The following GSN variants were observed in gnomAD, a reference collection of about 807,000 sequenced individuals.
The protein encoded by GSN is gelsolin.
A neutral mutation model predicts 85.7 loss-of-function variants in GSN; 56 were observed. The observed-to-expected ratio is 0.65, with a 90% confidence interval of 0.53 to 0.82. GSN has a LOEUF of 0.82. Ranked by LOEUF, GSN falls within the 40% of genes least tolerant of loss-of-function variation. GSN has a pLI of 0.00. For missense variants in GSN, 857 were observed against 979.8 expected, an observed-to-expected ratio of 0.87 and a Z score of 1.67; for synonymous variants, 373 against 399.1, an observed-to-expected ratio of 0.93 and a Z score of 0.78.
At chr9:121,216,491 G>C (rs139106072) in intron 4 of GSN, among the ~76,000 whole-genome samples, 2 of 152,284 alleles carry the variant, frequency 1.3e-5, no homozygotes, top group Non-Finnish European at 2.9e-5. Context: ...CCAAGACTTT[G>C]CTTGCTATAT....
At chr9:121,277,920 AC>A (rs1229931480) in intron 1 of GSN, among the ~76,000 whole-genome samples, 1 of 93,318 alleles carries the variant, frequency 1.1e-5, no homozygotes, top group Non-Finnish European at 2.3e-5. Context: ...AACAACAATA[AC>A]AAACAAACAA....
intron 2 of GSN, among the ~76,000 whole-genome samples, chr9:121,296,519 C>T (rs2059235172): frequency 6.6e-6 from 1 of 152,136 alleles, no homozygotes; most frequent in African/African-American, 2.4e-5. Flanking sequence ...TCTGGTACTG[C>T]TTGGGCTAGG....
At chr9:121,225,976 T>C (rs2054265824) in intron 4 of GSN, among the ~76,000 whole-genome samples, 2 of 152,210 alleles carry the variant, frequency 1.3e-5, no homozygotes, top group African/African-American at 4.8e-5. Context: ...GGCTAAGTTT[T>C]GTATTTTTAG....
intron 4 of GSN, among the ~76,000 whole-genome samples, chr9:121,213,196 CAATA>C (rs1433856581): frequency 7.2e-5 from 11 of 152,174 alleles, no homozygotes; most frequent in Admixed American, 3.9e-4. Context: ...TTAGTCTCAT[CAATA>C]AATAAACCCA....
chr9:121,299,910 G>T lies in GSN; in HGVS notation c.-9-2053G>T. 1 of 1,265,778 alleles carries T rather than the reference G, an allele frequency of 7.9e-7. No homozygotes were observed. The highest frequency in any genetic ancestry group is 2.6e-4 in the Middle Eastern group (1 of 3,858). The allele number at this position is 1,265,778 out of a possible 1,614,324, so 78.4% of individuals were successfully genotyped here. A position where few individuals can be genotyped will look rare whatever the true frequency, so the allele number is the denominator to read the frequency against. On this transcript the variant is annotated intron_variant, in intron 2 of 17. Coordinates refer to ENST00000432226, the MANE Select transcript of GSN (RefSeq NM_198252.3). This position sits in a 1 kb window ranked among gnomAD's most constrained non-coding sequence, Gnocchi z 4.2. ...CGCGCTGCTTTGCGCGCTGTCCCTG[G>T]CGCTGTGCGCGCTGTCGCTGCCCGT...
intron 4 of GSN, among the ~76,000 whole-genome samples, chr9:121,305,716 AT>A (rs2060337609): frequency 1.3e-5 from 2 of 152,192 alleles, no homozygotes; most frequent in Non-Finnish European, 1.5e-5. Context: ...CTGGGCCCAG[AT>A]TTGGGGCTTC....
chr9:121,245,310 C>T (rs1223747840), intron 5 of GSN, among the ~76,000 whole-genome samples: 1 of 152,168 alleles, frequency 6.6e-6, no homozygotes, highest in African/African-American at 2.4e-5. Flanking sequence ...CTATAGTCCT[C>T]CACTTCAATT....
chr9:121,329,302 A>T lies in GSN; in HGVS notation c.1952A>T (p.Asp651Val), dbSNP rs1341619905. 6.2e-7 allele frequency: 1 copy of T among 1,600,648 alleles called. No individual in the cohort carries two copies. Among genetic ancestry groups the T allele is most frequent in the Non-Finnish European group, 8.6e-7 (1 of 1,167,734 alleles). ...GCAACGGATGACGTCATGCTTCTGG[A>T]CACCTGGGACCAGGTGGGTGAAGGA... ...DLATDDVMLL[D>V]TWDQVFVWVG... is the part of the protein sequence containing the mutation. Residue 651 changes from aspartate (D) to valine (V), a missense_variant, in exon 16 of 18, where the codon GAC becomes GTC. Coordinates refer to ENST00000432226, the MANE Select transcript of GSN (RefSeq NM_198252.3). This position sits in a 1 kb window ranked among gnomAD's most constrained non-coding sequence, Gnocchi z 4.6.
At chr9:121,219,214 C>G (rs546371859) in intron 4 of GSN, among the ~76,000 whole-genome samples, 52 of 152,006 alleles carry the variant, frequency 3.4e-4, no homozygotes, top group African/African-American at 1.2e-3. Context: ...TCTCCTGACT[C>G]AGTTCCCCAA....
At chr9:121,311,143 A>G (rs2061086205) in intron 5 of GSN, 2 of 434,912 alleles carry the variant, frequency 4.6e-6, no homozygotes, top group African/African-American at 2.0e-5. Context: ...ATGGGCAAAC[A>G]CTCTGGGCTT....
At chr9:121,263,909 A>C (rs1451553008), upstream of GSN, among the ~76,000 whole-genome samples, 4 of 150,104 alleles carry the variant, frequency 2.7e-5, no homozygotes, top group African/African-American at 9.8e-5. Context: ...AAAAAAAAAA[A>C]TCAGGTCTCA....
Position 121,310,700 on chromosome 9 carries a change from C to T in GSN, c.368C>T (p.Ser123Leu). ...GLKYKKGGVA[S>L]GFKHVVPNEV... ...GCCCCACAGAAAGGAGGTGTGGCAT[C>T]AGGATTCAAGCACGTGGTACCCAAC... The change falls in exon 5 of 18, where the codon TCA becomes TTA. Residue 123 changes from serine (S) to leucine (L), a missense_variant. By Grantham distance (145) the Ser-to-Leu change is moderately radical. Transcript: ENST00000432226. 6.2e-7 allele frequency: 1 copy of T among 1,614,174 alleles called. No individual in the cohort carries two copies. Among genetic ancestry groups the T allele is most frequent in the Non-Finnish European group, 8.5e-7 (1 of 1,180,026 alleles).
intron 1 of GSN, among the ~76,000 whole-genome samples, chr9:121,278,484 T>C (rs958977060): frequency 1.3e-5 from 2 of 152,172 alleles, no homozygotes; most frequent in Non-Finnish European, 2.9e-5. Context: ...AGAAAGCTCC[T>C]TTTTAGCCAG....
At chr9:121,323,329 A>G (rs1267660575) in intron 11 of GSN, among the ~76,000 whole-genome samples, 3 of 150,496 alleles carry the variant, frequency 2.0e-5, no homozygotes, top group African/African-American at 7.3e-5. Context: ...CTACTTACTA[A>G]TCTATAGGCT....
At chr9:121,303,969 A>C (rs2060154561) in intron 4 of GSN, among the ~76,000 whole-genome samples, 1 of 152,210 alleles carries the variant, frequency 6.6e-6, no homozygotes, top group South Asian at 2.1e-4. Flanking sequence ...CACACAGCGA[A>C]TTGGTGCCAG....
chr9:121,237,646 A>C (rs896646810), intron 5 of GSN, among the ~76,000 whole-genome samples: 2 of 152,226 alleles, frequency 1.3e-5, no homozygotes, highest in African/African-American at 2.4e-5. Context: ...TCAACAACCC[A>C]AAAGAAAATG....
intron 4 of GSN, among the ~76,000 whole-genome samples, chr9:121,230,530 GA>G (rs144028833): frequency 0.024 from 3,690 of 152,240 alleles, 157 homozygotes; most frequent in African/African-American, 0.085. Flanking sequence ...CAATGTGGGG[GA>G]TAAGAGCCTG....
intron 2 of GSN, among the ~76,000 whole-genome samples, chr9:121,297,313 C>T (rs1386096303): frequency 6.6e-6 from 1 of 152,118 alleles, no homozygotes; most frequent in Non-Finnish European, 1.5e-5. Flanking sequence ...CATAGTGATT[C>T]ACACACTAAG....
chr9:121,238,394 T>A (rs2054539170), intron 5 of GSN, among the ~76,000 whole-genome samples: 1 of 152,178 alleles, frequency 6.6e-6, no homozygotes, highest in African/African-American at 2.4e-5. Flanking sequence ...TGCATTTTTC[T>A]CCCATTCTGG....
Sources: gnomAD v4.1 joint callset for allele counts (sites outside exome capture counted in the v4.1 genomes callset) on GRCh38, gnomAD v4.1.1 for gene constraint, Gnocchi (gnomAD v3.1) non-coding constraint, MANE v1.5 for transcripts, NCBI Gene and HGNC (gene_info 2026-07-23, HGNC 2026-07-21) for gene names.